The following GLT8D2 variants were observed in gnomAD, a reference collection of about 807,000 sequenced individuals.
GLT8D2 encodes glycosyltransferase 8 domain-containing protein 2.
GLT8D2 carries 45 observed loss-of-function variants against 44.5 expected under a neutral mutation model. The observed-to-expected ratio is 1.01, with a 90% CI of 0.80 to 1.30. The LOEUF is 1.30. Ranked by LOEUF, GLT8D2 falls within the 50% of genes most tolerant of loss-of-function variation. GLT8D2 has a pLI of 0.00. For synonymous variants in GLT8D2, 156 were observed against 157.2 expected, an observed-to-expected ratio of 0.99 and a Z score of 0.06; for missense variants, 400 against 430.4, an observed-to-expected ratio of 0.93 and a Z score of 0.62.
chr12:104,019,348 G>A (rs765786029), intron 3 of GLT8D2, among the ~76,000 whole-genome samples: 12 of 151,836 alleles, frequency 7.9e-5, no homozygotes, highest in East Asian at 1.9e-4. Context: ...GGCTGGTCTC[G>A]AACTCCCGAG....
rs745502835 is a variant in GLT8D2, at chr12:104,003,173, G to C, written c.246C>G (p.Phe82Leu). 6.2e-7 allele frequency: 1 copy of C among 1,614,128 alleles called. No homozygotes were observed. The highest frequency in any genetic ancestry group is 1.7e-5 in the Admixed American group (1 of 60,006). The change falls in exon 5 of 11, where the codon TTC becomes TTG. Residue 82 changes from phenylalanine (F) to leucine (L), a missense_variant. By Grantham distance (22) the Phe-to-Leu change is conservative (BLOSUM62 0). Coordinates refer to ENST00000360814, the MANE Select transcript of GLT8D2 (RefSeq NM_001384711.1). ...IYSNTDANIL[F>L]YVVGLRNTLT... ...GAGTATTCCGGAGTCCCACTACATAGAACAAGATGTTGGCGTCAGTGTTGC... is the reference window on the plus strand; with the variant it reads ...GAGTATTCCGGAGTCCCACTACATACAACAAGATGTTGGCGTCAGTGTTGC...
chr12:104,054,040 C>T (rs1322732458), upstream of GLT8D2, among the ~76,000 whole-genome samples: 1 of 152,004 alleles, frequency 6.6e-6, no homozygotes, highest in Non-Finnish European at 1.5e-5. Context: ...TATGCATGTA[C>T]ACTGTGTAAT....
At chr12:104,009,006 C>T (rs531385161) in intron 4 of GLT8D2, among the ~76,000 whole-genome samples, 2 of 152,368 alleles carry the variant, frequency 1.3e-5, no homozygotes, top group South Asian at 2.1e-4. Flanking sequence ...GCGGGGGCCT[C>T]ATGGAGGACC....
intron 4 of GLT8D2, chr12:104,012,909 A>G: frequency 1.6e-6 from 1 of 639,804 alleles, no homozygotes; most frequent in South Asian, 1.7e-5. Context: ...GTGAGGACAC[A>G]GCAAGAAGGC....
At chr12:103,990,478 A>G (rs1316879863) in intron 10 of GLT8D2, among the ~76,000 whole-genome samples, 1 of 152,184 alleles carries the variant, frequency 6.6e-6, no homozygotes, top group Non-Finnish European at 1.5e-5. Flanking sequence ...TAGAATACCT[A>G]TTCTAGAACT....
intron 1 of GLT8D2, among the ~76,000 whole-genome samples, chr12:104,036,268 C>T (rs1879917475): frequency 6.6e-6 from 1 of 152,144 alleles, no homozygotes; most frequent in South Asian, 2.1e-4. Flanking sequence ...GGCAAAATAA[C>T]CAACTAACAT....
chr12:104,003,362 G>C, intron 4 of GLT8D2, 56 bp from the exon 5 acceptor site: 16 of 1,466,218 alleles, frequency 1.1e-5, no homozygotes, highest in Non-Finnish European at 1.3e-5. Flanking sequence ...AGTAGAGCCA[G>C]TTTAATGCAT....
rs766412486 is a variant in GLT8D2, at chr12:103,989,306, A to C, written c.*102T>G. On this transcript the variant is annotated 3_prime_UTR_variant, in exon 11 of 11. Coordinates refer to ENST00000360814, the MANE Select transcript of GLT8D2 (RefSeq NM_001384711.1). ...GTTTTTGGTTTTTATATTGTGGATC[A>C]TATGTATCAAAGGTAATATTCATAA... 2.0e-5 allele frequency: 20 copies of C among 1,025,044 alleles called. No individual in the cohort carries two copies. The highest frequency in any genetic ancestry group is 2.7e-5 in the Non-Finnish European group (19 of 713,946). The allele number at this position is 1,025,044 out of a possible 1,614,324, so 63.5% of individuals were successfully genotyped here.
chr12:104,021,983 GGAAGAA>G (rs1296709552), intron 1 of GLT8D2, among the ~76,000 whole-genome samples: 3 of 18,194 alleles, frequency 1.6e-4, no homozygotes, highest in Non-Finnish European at 3.2e-4. Flanking sequence ...AAGAGGAAGA[GGAAGAA>G]GAAGAAGAAG....
chr12:104,045,977 G>GAA lies in GLT8D2; in HGVS notation c.-164+3916_-164+3917dup, dbSNP rs1881109360. ...AGAAAATAAGAAAGAAAGAAAGAAA[G>GAA]AAAGTGATTGATTAATCATGTCTGC... On this transcript the variant is annotated intron_variant, in intron 1 of 10. Transcript: ENST00000360814. Among the ~76,000 whole-genome samples the GAA allele has an allele frequency of 2.7e-5, 4 of 150,390 alleles. No individual in the cohort carries two copies. In the South Asian group the frequency reaches 8.6e-4, roughly 32 times the overall value.
At chr12:104,058,819 T>C (rs1397220102) in intron 1 of GLT8D2, among the ~76,000 whole-genome samples, 2 of 152,172 alleles carry the variant, frequency 1.3e-5, no homozygotes, top group African/African-American at 2.4e-5. Context: ...CACTGTCCAA[T>C]AGAGCTTTCT....
At chr12:104,031,511 G>T in intron 1 of GLT8D2, 8 of 1,612,894 alleles carry the variant, frequency 5.0e-6, no homozygotes, top group Admixed American at 1.7e-5. Context: ...AGCCATGGAA[G>T]CTGTGGCTGC....
intron 1 of GLT8D2, among the ~76,000 whole-genome samples, chr12:104,056,854 T>C (rs1882220784): frequency 6.6e-6 from 1 of 152,258 alleles, no homozygotes; most frequent in South Asian, 2.1e-4. Flanking sequence ...GGACATCTGT[T>C]ATTTAGTTAT....
intron 4 of GLT8D2, among the ~76,000 whole-genome samples, chr12:104,012,170 C>CA (rs10571369): frequency 4.1e-4 from 34 of 83,230 alleles, no homozygotes; most frequent in East Asian, 7.6e-4. Flanking sequence ...AACTCTGTCT[C>CA]AAAAAAAAAA....
chr12:104,063,129 A>G (rs1223468436), intron 1 of GLT8D2, among the ~76,000 whole-genome samples: 1 of 152,110 alleles, frequency 6.6e-6, no homozygotes, highest in Non-Finnish European at 1.5e-5. Context: ...CCGTGGAAAA[A>G]TTGTCTTCCA....
At position 104,021,983 on chromosome 12, in the gene GLT8D2, G is replaced by GAA. The variant is rs1566202670; in HGVS notation, c.-163-493_-163-492insTT. Among the ~76,000 whole-genome samples the GAA allele has an allele frequency of 5.3e-3, 97 of 18,186 alleles. 18 individuals are homozygous for GAA. Among genetic ancestry groups the GAA allele is most frequent in the South Asian group, 0.018 (10 of 564 alleles). 11.9% of individuals were successfully genotyped at this position (18,186 alleles called of 152,430 possible). On this transcript the variant is annotated intron_variant, in intron 1 of 10. Coordinates refer to ENST00000360814, the MANE Select transcript of GLT8D2 (RefSeq NM_001384711.1). ...AAGAAGAGGAAGAGGAAGAGGAAGA[G>GAA]GAAGAAGAAGAAGAAGAAGAAGAAG... is the stretch of plus-strand genomic sequence containing the variant.
rs1872808876 is a variant in GLT8D2 at position 103,992,091 on chromosome 12, C to T, written c.880+1301G>A. On this transcript the variant is annotated intron_variant, in intron 10 of 10. Transcript: ENST00000360814. ...ACATTACCTTTTTAAAATCCAAACC[C>T]TTTCTAAACTTCCAAACATGTCTGG... Among the ~76,000 whole-genome samples, 6 of 152,306 alleles carry T rather than the reference C, an allele frequency of 3.9e-5. No homozygotes were observed. In the South Asian group the frequency reaches 1.2e-3, roughly 32 times the overall value.
At chr12:103,997,378 A>G (rs1873576541) in intron 7 of GLT8D2, 73 bp downstream of exon 7, 1 of 1,075,492 alleles carries the variant, frequency 9.3e-7, no homozygotes, top group Non-Finnish European at 1.4e-6. Flanking sequence ...GTTATTTGAA[A>G]AATGAAGAGA....
intron 1 of GLT8D2, among the ~76,000 whole-genome samples, chr12:104,063,017 A>G (rs1882812027): frequency 1.3e-5 from 2 of 151,956 alleles, no homozygotes; most frequent in African/African-American, 4.8e-5. Flanking sequence ...TGTACTCCCT[A>G]TGAGAATCTT....
Sources: gnomAD v4.1 joint callset for allele counts (sites outside exome capture counted in the v4.1 genomes callset) on GRCh38, gnomAD v4.1.1 for gene constraint, MANE v1.5 for transcripts, NCBI Gene and HGNC (gene_info 2026-07-23, HGNC 2026-07-21) for gene names.